BACH2: variants seen among roughly 807,000 people sequenced by gnomAD.
BACH2 encodes transcription regulator protein BACH2.
A neutral mutation model predicts 61.8 loss-of-function variants in BACH2; 5 were observed. The ratio of observed to expected loss-of-function variants is 0.08; its 90% CI spans 0.04 to 0.17. The LOEUF is 0.17. BACH2 is among the 10% of genes least tolerant of loss of function. The pLI is 1.00. For missense variants in BACH2, 824 were observed against 1,091.1 expected (o/e 0.76, Z 3.45); for synonymous variants, 446 against 440.1 (o/e 1.01, Z -0.17).
chr6:90,283,859 T>A (rs1400312454), intron 1 of BACH2, among the ~76,000 whole-genome samples: 1 of 151,868 alleles, frequency 6.6e-6, no homozygotes, highest in East Asian at 2.0e-4. Flanking sequence ...ATTACAAAAA[T>A]TAGCTGGGCA....
intron 1 of BACH2, among the ~76,000 whole-genome samples, chr6:90,279,812 T>C (rs533057577): frequency 1.3e-5 from 2 of 152,340 alleles, no homozygotes; most frequent in African/African-American, 2.4e-5. Flanking sequence ...ATTTTATGAC[T>C]AGCCCTTTAA....
intron 3 of BACH2, among the ~76,000 whole-genome samples, chr6:90,231,743 AG>A (rs1011514935): frequency 2.0e-4 from 30 of 152,356 alleles, no homozygotes; most frequent in African/African-American, 7.2e-4. Flanking sequence ...AAAGATTTCT[AG>A]TTGCTTGTTT....
chr6:90,203,471 T>C (rs1769028300), intron 4 of BACH2, among the ~76,000 whole-genome samples: 1 of 150,832 alleles, frequency 6.6e-6, no homozygotes, highest in Non-Finnish European at 1.5e-5. Context: ...GAAAGTCAGC[T>C]CTTGCAAAAA....
intron 3 of BACH2, among the ~76,000 whole-genome samples, chr6:90,229,810 G>A (rs1770036058): frequency 2.0e-5 from 3 of 152,202 alleles, no homozygotes; most frequent in Admixed American, 2.0e-4. Context: ...AGGCATGGTG[G>A]TAGATATGAG....
chr6:89,981,672 G>A (rs920580832), intron 6 of BACH2, among the ~76,000 whole-genome samples: 1 of 152,106 alleles, frequency 6.6e-6, no homozygotes, highest in Non-Finnish European at 1.5e-5. Context: ...AATTATTAGC[G>A]AGAAAATAAT....
chr6:90,163,719 A>T (rs888593330), intron 4 of BACH2, among the ~76,000 whole-genome samples: 1 of 152,240 alleles, frequency 6.6e-6, no homozygotes, highest in Non-Finnish European at 1.5e-5. Context: ...GGCGTTCTAT[A>T]CAGCTTAGTT....
chr6:90,065,270 CTTTTTTTTTT>C lies in BACH2; in HGVS notation c.-13+23681_-13+23690del, dbSNP rs71027920. Among the ~76,000 whole-genome samples the C allele has an allele frequency of 1.6e-3, 85 of 52,668 alleles. No individual in the cohort carries two copies. The East Asian group carries it at 0.025, about 15-fold the overall frequency. 34.6% of individuals were successfully genotyped at this position (52,668 alleles called of 152,430 possible). On this transcript the variant is annotated intron_variant, in intron 5 of 8. Transcript: ENST00000257749. ...GCCACCCCACCCCCTGCCGCCCCCA[CTTTTTTTTTT>C]TTTTTTTTTTTTTTTTTTTACCCCT...
At chr6:90,194,744 T>C (rs1027227127) in intron 4 of BACH2, among the ~76,000 whole-genome samples, 1 of 152,192 alleles carries the variant, frequency 6.6e-6, no homozygotes, top group Non-Finnish European at 1.5e-5. Context: ...CTGAACAGCT[T>C]TGTCATGACA....
chr6:90,286,302 GT>G (rs1412359984), intron 1 of BACH2, among the ~76,000 whole-genome samples: 1 of 152,224 alleles, frequency 6.6e-6, no homozygotes, highest in African/African-American at 2.4e-5. Flanking sequence ...ACTGTTTAAT[GT>G]GGGAAATTTA....
rs76365013 is a variant in BACH2, at chr6:90,045,523, A to T, written c.-12-36667T>A. Among the ~76,000 whole-genome samples the T allele has an allele frequency of 9.0e-3, 1,362 of 151,746 alleles. 23 individuals carry two copies. Among genetic ancestry groups the T allele is most frequent in the African/African-American group, 0.031 (1,278 of 40,990 alleles). On this transcript the variant is annotated intron_variant, in intron 5 of 8. Coordinates refer to ENST00000257749, the MANE Select transcript of BACH2 (RefSeq NM_021813.4). ...GTGCAACTTGTCATCTCTATTGAAG[A>T]AACAGGCAGGTAAGCTTCCACAACT...
In BACH2 at chr6:90,074,407, C is replaced by T. The variant is rs535258006; in HGVS notation, c.-13+14554G>A. ...AGAACAAAAGTCTCTTTTACTGAAG[C>T]GCTGGGAACTCAGGGACGATGGCAG... On this transcript the variant is annotated intron_variant, in intron 5 of 8. Coordinates refer to ENST00000257749, the MANE Select transcript of BACH2 (RefSeq NM_021813.4). Among the ~76,000 whole-genome samples the T allele has an allele frequency of 7.0e-4, 106 of 152,172 alleles. No individual in the cohort carries two copies. The South Asian group carries it at 9.1e-3, about 13-fold the overall frequency.
At chr6:89,980,285 C>A (rs1466742642) in intron 6 of BACH2, among the ~76,000 whole-genome samples, 2 of 146,736 alleles carry the variant, frequency 1.4e-5, no homozygotes, top group Non-Finnish European at 3.0e-5. Flanking sequence ...CAGAGCAAGA[C>A]TCTGTCTCAA....
At chr6:90,028,891 A>C (rs1641478516) in intron 5 of BACH2, among the ~76,000 whole-genome samples, 1 of 152,224 alleles carries the variant, frequency 6.6e-6, no homozygotes, top group Non-Finnish European at 1.5e-5. Flanking sequence ...GTACCTGATA[A>C]AGGGCACCTA....
intron 3 of BACH2, among the ~76,000 whole-genome samples, chr6:90,223,907 C>A (rs1231383750): frequency 6.6e-6 from 1 of 152,188 alleles, no homozygotes; most frequent in Non-Finnish European, 1.5e-5. Flanking sequence ...TCTCAAAACT[C>A]AAATTTTCAG....
intron 4 of BACH2, among the ~76,000 whole-genome samples, chr6:90,121,665 C>T (rs1783631223): frequency 6.6e-6 from 1 of 152,122 alleles, no homozygotes; most frequent in Non-Finnish European, 1.5e-5. Context: ...GCCTCAGCCT[C>T]CCGAGTAGCT....
At chr6:90,003,648 G>A (rs1159074613) in intron 6 of BACH2, among the ~76,000 whole-genome samples, 1 of 152,228 alleles carries the variant, frequency 6.6e-6, no homozygotes, top group Non-Finnish European at 1.5e-5. Context: ...GAAGCCCAGA[G>A]AGGAAGACTA....
At chr6:90,107,370 CA>C (rs542795445) in intron 4 of BACH2, among the ~76,000 whole-genome samples, 283 of 145,114 alleles carry the variant, frequency 2.0e-3, no homozygotes, top group South Asian at 3.7e-3. Flanking sequence ...GACTCTGTCT[CA>C]AAAAAAAACA....
intron 4 of BACH2, among the ~76,000 whole-genome samples, chr6:90,145,647 A>C (rs545538542): frequency 2.5e-3 from 383 of 152,348 alleles, no homozygotes; most frequent in Admixed American, 6.9e-3. Flanking sequence ...AATTGTGTGA[A>C]GTGACATTCT....
At chr6:90,228,515 A>C (rs1482874771) in intron 3 of BACH2, among the ~76,000 whole-genome samples, 1 of 152,198 alleles carries the variant, frequency 6.6e-6, no homozygotes, top group East Asian at 1.9e-4. Context: ...AGGTCAAGGC[A>C]GGCGGATTGC....
Sources: gnomAD v4.1 joint callset for allele counts (sites outside exome capture counted in the v4.1 genomes callset) on GRCh38, gnomAD v4.1.1 for gene constraint, MANE v1.5 for transcripts, NCBI Gene and HGNC (gene_info 2026-07-23, HGNC 2026-07-21) for gene names.